SLC6A12: variants seen among roughly 807,000 people sequenced by gnomAD.
SLC6A12 encodes the protein solute carrier family 6 member 12.
Under a neutral mutation model 73.3 loss-of-function variants are expected in SLC6A12, and 50 were observed. That is an observed-to-expected ratio of 0.68 (90% CI 0.54 to 0.86). SLC6A12 has a LOEUF of 0.86. Among genes scored for constraint, SLC6A12 ranks in the 40% least tolerant of loss-of-function variants. SLC6A12 has a pLI of 0.00. For missense variants in SLC6A12, 648 were observed against 772.8 expected (o/e 0.84, Z 1.92); for synonymous variants, 304 against 309.2 (o/e 0.98, Z 0.18).
intron 4 of SLC6A12, chr12:204,109 C>A (rs1940485126): frequency 5.6e-6 from 1 of 179,990 alleles, no homozygotes; most frequent in Admixed American, 5.5e-5. Context: ...CGTGAGCGTG[C>A]TTGGACCTAC....
intron 4 of SLC6A12, 103 bp downstream of exon 4, chr12:204,461 G>C (rs1023724743): frequency 1.7e-6 from 2 of 1,146,508 alleles, no homozygotes; most frequent in African/African-American, 3.0e-5. Context: ...ATATGGGAGT[G>C]AGCGGATGGG....
Position 197,978 on chromosome 12 carries a change from A to G in SLC6A12, c.872T>C (p.Ile291Thr). 1 of 1,613,654 alleles carries G rather than the reference A, an allele frequency of 6.2e-7. No individual in the cohort carries two copies. The highest frequency in any genetic ancestry group is 8.5e-7 in the Non-Finnish European group (1 of 1,179,888). Residue 291 changes from isoleucine to threonine, a missense_variant, in exon 9 of 16, where the codon ATC (isoleucine) becomes ACC (threonine). Transcript: ENST00000684302. ...PQVWMDAGTQ[I>T]FFSFAICQGC... is the part of the protein sequence containing the mutation. ...CTGGCAGATGGCAAAGGAGAAGAAG[A>G]TCTGGGTGCCCGCATCCATCCACAC...
chr12:197,106 C>CATCT (rs1565468920), intron 10 of SLC6A12, among the ~76,000 whole-genome samples: 18 of 58,650 alleles, frequency 3.1e-4, no homozygotes, highest in African/African-American at 1.3e-3. Flanking sequence ...TCCATCCATC[C>CATCT]ATCCATCCAT....
At chr12:194,364 A>T (rs1290086080) in intron 13 of SLC6A12, among the ~76,000 whole-genome samples, 2 of 152,226 alleles carry the variant, frequency 1.3e-5, no homozygotes, top group Non-Finnish European at 2.9e-5. Context: ...TTTTCTACTC[A>T]TGGCTGTTCC....
intron 6 of SLC6A12, 104 bp downstream of exon 6, chr12:201,658 A>G: frequency 1.1e-6 from 1 of 903,764 alleles, no homozygotes; most frequent in South Asian, 1.5e-5. Flanking sequence ...GAAGTGCTGG[A>G]AAGCACACAC....
chr12:188,250 C>T (rs1401660434), downstream of SLC6A12, among the ~76,000 whole-genome samples: 7 of 152,214 alleles, frequency 4.6e-5, no homozygotes, highest in Non-Finnish European at 1.0e-4. Context: ...CTGCAGGTTC[C>T]GAGCCCTGCC....
downstream of SLC6A12, among the ~76,000 whole-genome samples, chr12:187,370 G>A (rs1939449167): frequency 6.6e-6 from 1 of 151,904 alleles, no homozygotes; most frequent in Non-Finnish European, 1.5e-5. Flanking sequence ...CCTTCTGGTA[G>A]GTTCGTGGTC....
In SLC6A12 at chr12:198,485, G is replaced by A. The variant is rs549923838; in HGVS notation, c.846+312C>T. ...AGGCTGAGGCGAGAGAATGCCTTGA[G>A]CCCAAGAGGTTGAGGCTGCAGTGAG... is the stretch of plus-strand genomic sequence containing the variant. On this transcript the variant is annotated intron_variant, in intron 8 of 15. Transcript: ENST00000684302. The surrounding 1 kb of genome is among the most constrained non-coding windows in gnomAD (Gnocchi z 4.0). Among the ~76,000 whole-genome samples the A allele has an allele frequency of 2.3e-4, 35 of 152,298 alleles. No individual in the cohort carries two copies. In the South Asian group the frequency reaches 6.6e-3, roughly 29 times the overall value.
intron 13 of SLC6A12, 102 bp from the exon 14 acceptor site, chr12:193,479 C>G (rs1192012931): frequency 2.4e-6 from 2 of 816,738 alleles, no homozygotes; most frequent in Non-Finnish European, 4.0e-6. Context: ...CCCTCACCCC[C>G]GCCCTGTGCA....
In SLC6A12 at chr12:195,205, C is replaced by T. The variant is rs751650670; in HGVS notation, c.1429+20G>A. 11 of 1,493,302 alleles carry T rather than the reference C, an allele frequency of 7.4e-6. No individual in the cohort carries two copies. Among genetic ancestry groups the T allele is most frequent in the Non-Finnish European group, 9.3e-7 (1 of 1,070,660 alleles). 92.5% of individuals were successfully genotyped at this position (1,493,302 alleles called of 1,614,324 possible). On this transcript the variant is annotated intron_variant, in intron 13 of 15. Coordinates refer to ENST00000684302, the MANE Select transcript of SLC6A12 (RefSeq NM_001122848.3). ...GTCTTTCTCCCACCCTGCTTTCCCA[C>T]CCCACTCCACCCCACTCACCATACA...
chr12:186,801 T>A (rs1939437799), downstream of SLC6A12, among the ~76,000 whole-genome samples: 1 of 152,090 alleles, frequency 6.6e-6, no homozygotes, highest in Non-Finnish European at 1.5e-5. Context: ...AATGTCCAGG[T>A]GGGAGAGAGA....
At chr12:184,536 G>A in the SLC6A12 span, among the ~76,000 whole-genome samples, 2 of 152,104 alleles carry the variant, frequency 1.3e-5, no homozygotes, top group Non-Finnish European at 2.9e-5. Flanking sequence ...GGATCACGAG[G>A]TCAGGAGATC....
At chr12:187,589 C>CAAAAGAAAAAAAAAA (rs1939453849), downstream of SLC6A12, among the ~76,000 whole-genome samples, 1 of 106,074 alleles carries the variant, frequency 9.4e-6, no homozygotes. Context: ...TGCAAAAGAG[C>CAAAAGAAAAAAAAAA]AAAAAAAAAA....
downstream of SLC6A12, among the ~76,000 whole-genome samples, chr12:186,204 G>T (rs529198): frequency 0.093 from 14,175 of 151,982 alleles, 2,178 homozygotes; most frequent in African/African-American, 0.32. Context: ...TGACTCTCGC[G>T]CTCTGGGAAG....
At chr12:195,929 T>G (rs1413675410) in intron 12 of SLC6A12, among the ~76,000 whole-genome samples, 195 bp downstream of exon 12, 1 of 152,182 alleles carries the variant, frequency 6.6e-6, no homozygotes, top group East Asian at 1.9e-4. Flanking sequence ...GCCAGCTGTA[T>G]TGGTCACCTG....
At chr12:187,636 C>CCA (rs1191476216), downstream of SLC6A12, among the ~76,000 whole-genome samples, 19 of 59,026 alleles carry the variant, frequency 3.2e-4, 1 homozygote, top group Non-Finnish European at 1.7e-4. Context: ...AAAAAACAAA[C>CCA]CACACACACA....
At position 196,151 on chromosome 12, in the gene SLC6A12, G is replaced by A. The variant is rs777776468; in HGVS notation, c.1299C>T (p.Tyr433=). The A allele has an allele frequency of 1.9e-5, 29 of 1,567,398 alleles. No homozygotes were observed. The highest frequency in any genetic ancestry group is 2.4e-5 in the Non-Finnish European group (28 of 1,155,884). Residue 433 remains tyrosine (Y), a synonymous_variant, in exon 12 of 16, where the codon TAC becomes TAT. Coordinates refer to ENST00000684302, the MANE Select transcript of SLC6A12 (RefSeq NM_001122848.3). ...CGGTGACCAGGAAAAGCCCTATCAG[G>A]TAGCACATGACGGCGATGGTGAGGA... ...LLILTIAVMC[Y]LIGLFLVTEG...
chr12:192,617 G>T lies in SLC6A12; in HGVS notation c.1562C>A (p.Thr521Asn). Residue 521 changes from threonine (T) to asparagine (N), a missense_variant, in exon 15 of 16, where the codon ACC becomes AAC. Thr to Asn is a moderately conservative substitution (Grantham distance 65). Coordinates refer to ENST00000684302, the MANE Select transcript of SLC6A12 (RefSeq NM_001122848.3). ...ATFLFSLSKY[T>N]PLKYNNVYVY... ...ATAGACGTTGTTGTACTTGAGGGGG[G>T]TGTACTTGCTCAAGGAGAAGAGGAA... The T allele has an allele frequency of 6.2e-7, 1 of 1,614,130 alleles. No homozygotes were observed. The highest frequency in any genetic ancestry group is 8.5e-7 in the Non-Finnish European group (1 of 1,180,016).
chr12:196,736 C>A, intron 11 of SLC6A12, 34 bp downstream of exon 11: 1 of 1,488,202 alleles, frequency 6.7e-7, no homozygotes, highest in Non-Finnish European at 9.4e-7. Context: ...AAGAGGGTCA[C>A]CACGGCAGGG....
Sources: gnomAD v4.1 joint callset for allele counts (sites outside exome capture counted in the v4.1 genomes callset) on GRCh38, gnomAD v4.1.1 for gene constraint, Gnocchi (gnomAD v3.1) non-coding constraint, MANE v1.5 for transcripts, NCBI Gene and HGNC (gene_info 2026-07-23, HGNC 2026-07-21) for gene names.